The following YEATS2 variants were observed in gnomAD, a reference collection of about 807,000 sequenced individuals.
The protein encoded by YEATS2 is YEATS domain containing 2.
In YEATS2, 77 loss-of-function variants were observed where a neutral mutation model predicts 163.2. The ratio of observed to expected loss-of-function variants is 0.47; its 90% CI spans 0.39 to 0.57. The LOEUF (loss-of-function observed/expected upper bound fraction) is 0.57. Ranked by LOEUF, YEATS2 falls within the 20% of genes least tolerant of loss-of-function variation. The pLI, the probability that YEATS2 is intolerant of heterozygous loss-of-function variation, is 0.00. For synonymous variants in YEATS2, 631 were observed against 645.1 expected (o/e 0.98, Z 0.33); for missense variants, 1,549 against 1,729.8 (o/e 0.90, Z 1.85).
intron 6 of YEATS2, 94 bp from the exon 7 acceptor site, chr3:183,728,596 T>C (rs1717375868): frequency 1.6e-6 from 2 of 1,221,698 alleles, no homozygotes; most frequent in Non-Finnish European, 2.2e-6. Context: ...TGCAGGAATT[T>C]TAACCTTGTT....
intron 18 of YEATS2, among the ~76,000 whole-genome samples, chr3:183,776,430 G>C (rs1723007262): frequency 6.6e-6 from 1 of 152,034 alleles, no homozygotes; most frequent in Non-Finnish European, 1.5e-5. Context: ...TACAGTCCCA[G>C]CTACTCCGAA....
chr3:183,715,343 A>G, intron 2 of YEATS2, 81 bp downstream of exon 2: 1 of 1,032,274 alleles, frequency 9.7e-7, no homozygotes, highest in Non-Finnish European at 1.5e-6. Context: ...GAATGAAATG[A>G]ATTTCCACTG....
chr3:183,710,073 A>G (rs1189971668), intron 1 of YEATS2, among the ~76,000 whole-genome samples: 2 of 152,204 alleles, frequency 1.3e-5, no homozygotes, highest in Non-Finnish European at 2.9e-5. Flanking sequence ...TTTGTCTCAG[A>G]GTATAGAGAA....
rs1487545053 is a variant in YEATS2 at position 183,773,891 on chromosome 3, A to C, written c.2368+97A>C. On this transcript the variant is annotated intron_variant, in intron 17 of 30. Transcript: ENST00000305135. The stretch of plus-strand genomic sequence containing the variant: ...GCAGTTCTTACCTGTTTCAGGAAGC[A>C]TTTCTGTAACTCTGTTGGGTGGTGT... 3.6e-6 allele frequency: 5 copies of C among 1,382,612 alleles called. No homozygotes were observed. In the African/African-American group the frequency reaches 7.4e-5, roughly 21 times the overall value. 85.6% of individuals were successfully genotyped at this position (1,382,612 alleles called of 1,614,324 possible).
chr3:183,756,132 C>CAAGATTCAGCAGTTACAAAAA (rs1720743330), intron 11 of YEATS2, among the ~76,000 whole-genome samples: 3 of 152,262 alleles, frequency 2.0e-5, no homozygotes, highest in Admixed American at 2.0e-4. Context: ...TTTATCATAT[C>CAAGATTCAGCAGTTACAAAAA]AAGATTCAGC....
At chr3:183,717,979 T>A (rs1716084714) in intron 3 of YEATS2, among the ~76,000 whole-genome samples, 1 of 151,816 alleles carries the variant, frequency 6.6e-6, no homozygotes, top group African/African-American at 2.4e-5. Context: ...TTCAAAAAGA[T>A]AATCTTCTGA....
intron 7 of YEATS2, among the ~76,000 whole-genome samples, chr3:183,734,624 G>A (rs1401861428): frequency 6.6e-6 from 1 of 152,158 alleles, no homozygotes; most frequent in East Asian, 1.9e-4. Flanking sequence ...ATTCCAAATG[G>A]CATATCTAGA....
At position 183,806,940 on chromosome 3, in the gene YEATS2, G is replaced by A. The variant is rs768472496; in HGVS notation, c.3859G>A (p.Glu1287Lys). ...LEDLQQFQKR[E>K]PENEEEVDIL... is the part of the protein sequence containing the mutation. ...GGACCTGCAACAGTTCCAGAAAAGGGAACCCGAGAATGAGGAGGAGGTGGA... is the reference window on the plus strand; with the variant it reads ...GGACCTGCAACAGTTCCAGAAAAGGAAACCCGAGAATGAGGAGGAGGTGGA... The change falls in exon 28 of 31, where the codon GAA becomes AAA. Residue 1287 changes from glutamate to lysine, a missense_variant. Transcript: ENST00000305135. 1.2e-6 allele frequency: 2 copies of A among 1,614,094 alleles called. No individual in the cohort carries two copies. The highest frequency in any genetic ancestry group is 1.7e-6 in the Non-Finnish European group (2 of 1,180,032).
chr3:183,712,276 T>G (rs2060396460), intron 1 of YEATS2, among the ~76,000 whole-genome samples: 1 of 150,670 alleles, frequency 6.6e-6, no homozygotes, highest in Admixed American at 6.6e-5. Context: ...AGTGGTACAA[T>G]CTCGGCTCAC....
At chr3:183,709,189 G>A (rs955389586) in intron 1 of YEATS2, among the ~76,000 whole-genome samples, 31 of 151,874 alleles carry the variant, frequency 2.0e-4, no homozygotes, top group Non-Finnish European at 3.2e-4. Context: ...TTTCTTTTTG[G>A]TTTCTAACCT....
At chr3:183,755,895 C>G (rs778707499) in intron 11 of YEATS2, among the ~76,000 whole-genome samples, 1 of 151,526 alleles carries the variant, frequency 6.6e-6, no homozygotes, top group Admixed American at 6.6e-5. Context: ...TACAGGCATG[C>G]GCCACCACAC....
intron 21 of YEATS2, among the ~76,000 whole-genome samples, chr3:183,797,544 CAATAAATAAATA>C (rs111590921): frequency 1.4e-5 from 2 of 142,926 alleles, no homozygotes; most frequent in South Asian, 2.3e-4. Flanking sequence ...GTCTCTAACA[CAATAAATAAATA>C]AATAAATAAA....
At chr3:183,768,876 G>T (rs1722177839) in intron 15 of YEATS2, among the ~76,000 whole-genome samples, 1 of 152,198 alleles carries the variant, frequency 6.6e-6, no homozygotes, top group South Asian at 2.1e-4. Flanking sequence ...GGAGGCAAAG[G>T]CAGGAGAATT....
intron 1 of YEATS2, among the ~76,000 whole-genome samples, chr3:183,703,383 T>C (rs1206082393): frequency 6.6e-6 from 1 of 152,178 alleles, no homozygotes; most frequent in Non-Finnish European, 1.5e-5. Flanking sequence ...CGGTACTAAC[T>C]CTGGTGAAAA....
Position 183,768,541 on chromosome 3 carries a change from G to GTT in YEATS2, c.1948-3755_1948-3754dup, listed in dbSNP as rs11411300. ...AAAAAGTTTTGCTACATTAAGAAGG[G>GTT]TTTTTTTTTTCTTTCATAAATATAC... is the stretch of plus-strand genomic sequence containing the variant. On this transcript the variant is annotated intron_variant, in intron 15 of 30. Transcript: ENST00000305135. 1.1e-4 allele frequency among the ~76,000 whole-genome samples: 16 copies of GTT among 150,258 alleles called. No homozygotes were observed. The East Asian group carries it at 3.1e-3, about 29-fold the overall frequency.
intron 19 of YEATS2, among the ~76,000 whole-genome samples, chr3:183,779,365 A>ACTGC: frequency 1.3e-5 from 2 of 152,342 alleles, no homozygotes; most frequent in South Asian, 4.1e-4. Flanking sequence ...AAACAGATAC[A>ACTGC]AGGCCCTGCA....
chr3:183,713,875 G>A (rs143395159), intron 1 of YEATS2, among the ~76,000 whole-genome samples: 2,550 of 152,008 alleles, frequency 0.017, 76 homozygotes, highest in East Asian at 0.14. Context: ...GCACGATCTC[G>A]GCTCACTGCA....
In YEATS2 at chr3:183,717,663, C is replaced by T. The variant is rs754777873; in HGVS notation, c.113C>T (p.Ala38Val). ...KAIENSARDA[A>V]VQKIETIIKE... ...GTTCTTTGTACAGCTCGAGATGCTGCTGTGCAGAAGATTGAGACTATTATC... is the reference window on the plus strand; with the variant it reads ...GTTCTTTGTACAGCTCGAGATGCTGTTGTGCAGAAGATTGAGACTATTATC... The change falls in exon 3 of 31, where the codon GCT (alanine) becomes GTT (valine). Residue 38 changes from alanine (A) to valine (V), a missense_variant. Coordinates refer to ENST00000305135, the MANE Select transcript of YEATS2 (RefSeq NM_018023.5). 2.2e-5 allele frequency: 34 copies of T among 1,566,632 alleles called. No homozygotes were observed. In the East Asian group the frequency reaches 8.2e-4, roughly 38 times the overall value.
At chr3:183,726,659 C>A (rs13068114) in intron 6 of YEATS2, among the ~76,000 whole-genome samples, 24,775 of 152,050 alleles carry the variant, frequency 0.16, 2,162 homozygotes, top group East Asian at 0.3. Flanking sequence ...ATTTGCTGAT[C>A]CCCTCCCTCA....
Sources: allele counts gnomAD v4.1 joint callset (sites outside exome capture counted in the v4.1 genomes callset), GRCh38; gene constraint gnomAD v4.1.1; transcripts MANE v1.5; gene names NCBI Gene and HGNC (gene_info 2026-07-23, HGNC 2026-07-21).